The following ATF6 variants were observed in gnomAD, a reference collection of about 807,000 sequenced individuals.
The protein encoded by ATF6 is cyclic AMP-dependent transcription factor ATF-6 alpha.
ATF6 carries 53 observed loss-of-function variants against 83.6 expected under a neutral mutation model. The observed-to-expected ratio is 0.63, with a 90% CI of 0.51 to 0.80. The LOEUF (loss-of-function observed/expected upper bound fraction) is 0.80. Ranked by LOEUF, ATF6 falls within the 30% of genes least tolerant of loss-of-function variation. ATF6 has a pLI of 0.00. For missense variants in ATF6, 744 were observed against 797.9 expected (o/e 0.93, Z 0.81); for synonymous variants, 288 against 285.8 (o/e 1.01, Z -0.08).
At chr1:161,830,975 G>T (rs1298469057) in intron 9 of ATF6, among the ~76,000 whole-genome samples, 1 of 152,142 alleles carries the variant, frequency 6.6e-6, no homozygotes, top group African/African-American at 2.4e-5. Flanking sequence ...AAGAGCTTCT[G>T]CACAGCAAAA....
chr1:161,910,117 A>C (rs1687960829), intron 14 of ATF6, among the ~76,000 whole-genome samples: 1 of 152,240 alleles, frequency 6.6e-6, no homozygotes, highest in South Asian at 2.1e-4. Flanking sequence ...AGGTTCAAGA[A>C]ACATTTATTT....
At position 161,859,757 on chromosome 1, in the gene ATF6, G is replaced by A. The variant is rs191702721; in HGVS notation, c.1534-450G>A. Reference sequence around the variant, plus strand: ...TCATCAATAAGAACTCTTTAATGATGGCTTAGTTCATAGATGTATTTTGGC... The same window carrying A: ...TCATCAATAAGAACTCTTTAATGATAGCTTAGTTCATAGATGTATTTTGGC... On this transcript the variant is annotated intron_variant, in intron 12 of 15. Coordinates refer to ENST00000367942, the MANE Select transcript of ATF6 (RefSeq NM_007348.4). Among the ~76,000 whole-genome samples, 30 of 152,212 alleles carry A rather than the reference G, an allele frequency of 2.0e-4. No homozygotes were observed. The East Asian group carries it at 5.6e-3, about 28-fold the overall frequency.
At position 161,860,223 on chromosome 1, in the gene ATF6, G is replaced by A. The variant is rs956500094; in HGVS notation, c.1550G>A (p.Gly517Asp). ...ATATTCCAGGGTGCTCTGGAACAGG[G>A]CTCAAATTCTCAGCTGATGGCTGTT... Reference protein sequence around the residue: ...TRILQGALEQGSNSQLMAVQY... With the variant: ...TRILQGALEQDSNSQLMAVQY... The change falls in exon 13 of 16, where the codon GGC becomes GAC. Residue 517 changes from glycine (G) to aspartate (D), a missense_variant. Physicochemically the swap from Gly to Asp is moderately conservative, Grantham distance 94. Coordinates refer to ENST00000367942, the MANE Select transcript of ATF6 (RefSeq NM_007348.4). 4 of 1,590,584 alleles carry A rather than the reference G, an allele frequency of 2.5e-6. No homozygotes were observed. The highest frequency in any genetic ancestry group is 1.7e-4 in the Middle Eastern group (1 of 5,952).
chr1:161,874,554 A>T (rs1034593460), intron 14 of ATF6, among the ~76,000 whole-genome samples: 1 of 151,678 alleles, frequency 6.6e-6, no homozygotes, highest in Non-Finnish European at 1.5e-5. Context: ...ACATTTTACA[A>T]CTATTTCTTT....
At chr1:161,800,314 A>T (rs1253926817) in intron 6 of ATF6, among the ~76,000 whole-genome samples, 1 of 152,196 alleles carries the variant, frequency 6.6e-6, no homozygotes, top group African/African-American at 2.4e-5. Flanking sequence ...TGTATATCTC[A>T]TACACATAGC....
chr1:161,825,603 G>A (rs2089083), intron 9 of ATF6, among the ~76,000 whole-genome samples: 21,733 of 152,154 alleles, frequency 0.14, 2,120 homozygotes, highest in East Asian at 0.31. Context: ...TGTGGGGCAA[G>A]CTAAATGGGA....
In ATF6 at chr1:161,791,418, AT is replaced by A; in HGVS notation, c.368del (p.Leu123CysfsTer26). ...SSTQHVPEEL[D>X]LSSSSQMSPL... ...TTTATTATGCTACAGGAGGAGTTGG[AT>A]TTGTCTTCTAGTTCTCAGATGTCTC... On this transcript the variant is annotated frameshift_variant, in exon 5 of 16. Coordinates refer to ENST00000367942, the MANE Select transcript of ATF6 (RefSeq NM_007348.4). LOFTEE classifies it high-confidence loss of function. 1 of 1,607,940 alleles carries A rather than the reference AT, an allele frequency of 6.2e-7. No individual in the cohort carries two copies. The highest frequency in any genetic ancestry group is 8.5e-7 in the Non-Finnish European group (1 of 1,178,290).
At chr1:161,853,656 T>A (rs1392513203) in intron 12 of ATF6, among the ~76,000 whole-genome samples, 1 of 152,242 alleles carries the variant, frequency 6.6e-6, no homozygotes, top group Non-Finnish European at 1.5e-5. Flanking sequence ...ATAATACTGC[T>A]TATCTCCTCT....
intron 12 of ATF6, among the ~76,000 whole-genome samples, chr1:161,854,668 A>G (rs7550803): frequency 0.64 from 96,806 of 151,940 alleles, 33,521 homozygotes; most frequent in Middle Eastern, 0.77. Context: ...TCAGGAGATC[A>G]AGACCATCCT....
At chr1:161,770,698 A>G (rs550958615) in intron 1 of ATF6, among the ~76,000 whole-genome samples, 124 of 152,356 alleles carry the variant, frequency 8.1e-4, no homozygotes, top group African/African-American at 2.9e-3. Flanking sequence ...TTTAGGCCAT[A>G]AATTCACAGT....
At position 161,816,722 on chromosome 1, in the gene ATF6, CTG is replaced by C. The variant is rs374903961; in HGVS notation, c.910-2909_910-2908del. 2.8e-3 allele frequency among the ~76,000 whole-genome samples: 424 copies of C among 152,270 alleles called. 3 individuals carry two copies. The highest frequency in any genetic ancestry group is 9.5e-3 in the African/African-American group (396 of 41,550). ...GCATGTCAAAGGTCATTTTGATACA[CTG>C]TATGTGCAAAAGCAGTTTACCAAAC... is the stretch of plus-strand genomic sequence containing the variant. On this transcript the variant is annotated intron_variant, in intron 7 of 15. Coordinates refer to ENST00000367942, the MANE Select transcript of ATF6 (RefSeq NM_007348.4).
chr1:161,910,214 G>T (rs1687962517), intron 14 of ATF6, among the ~76,000 whole-genome samples: 2 of 152,062 alleles, frequency 1.3e-5, no homozygotes, highest in Non-Finnish European at 2.9e-5. Context: ...ATATTATATA[G>T]ACACTTATTT....
intron 7 of ATF6, among the ~76,000 whole-genome samples, chr1:161,816,089 A>G (rs907612948): frequency 9.2e-5 from 14 of 152,262 alleles, no homozygotes; most frequent in African/African-American, 3.1e-4. Context: ...AGTGTTTACT[A>G]AGTGAAATAC....
intron 14 of ATF6, among the ~76,000 whole-genome samples, chr1:161,895,463 A>G (rs1687653108): frequency 6.6e-6 from 1 of 152,224 alleles, no homozygotes; most frequent in South Asian, 2.1e-4. Context: ...TTTAAATCCA[A>G]TCTAATATTA....
At position 161,951,791 on chromosome 1, in the gene ATF6, G is replaced by A. The variant is rs149643264; in HGVS notation, c.1805-6655G>A. 9.3e-3 allele frequency among the ~76,000 whole-genome samples: 1,411 copies of A among 152,194 alleles called. 11 individuals are homozygous for A. The highest frequency in any genetic ancestry group is 0.027 in the Middle Eastern group (8 of 294). On this transcript the variant is annotated intron_variant, in intron 15 of 15. Transcript: ENST00000367942. ...CACAGAACTTGAGTAAGCTGCACAA[G>A]GGAAAAAAACTCATCTTCTGTAATT...
chr1:161,865,576 A>G (rs1192127464), intron 14 of ATF6, among the ~76,000 whole-genome samples: 1 of 152,216 alleles, frequency 6.6e-6, no homozygotes, highest in Admixed American at 6.5e-5. Flanking sequence ...GTTTGCTATA[A>G]AAGTGCTGTT....
Position 161,883,615 on chromosome 1 carries a change from T to C in ATF6, c.1719+20303T>C, listed in dbSNP as rs114300598. 3.9e-3 allele frequency among the ~76,000 whole-genome samples: 598 copies of C among 152,128 alleles called. 4 individuals carry two copies. The highest frequency in any genetic ancestry group is 0.014 in the African/African-American group (569 of 41,556). ...GCCACATGACTATGTCATGGGTTCA[T>C]TCACAAGATATAATAAACATTATTT... On this transcript the variant is annotated intron_variant, in intron 14 of 15. Transcript: ENST00000367942.
intron 7 of ATF6, among the ~76,000 whole-genome samples, chr1:161,818,501 AT>A (rs1685671517): frequency 6.6e-6 from 1 of 152,210 alleles, no homozygotes. Context: ...GAGAGTTAAC[AT>A]TCTTGAAACA....
chr1:161,883,466 C>A (rs2101860772), intron 14 of ATF6, among the ~76,000 whole-genome samples: 1 of 152,022 alleles, frequency 6.6e-6, no homozygotes, highest in East Asian at 1.9e-4. Flanking sequence ...AGGTTTTCAG[C>A]TGTTTTTAGG....
Sources: gnomAD v4.1 joint callset for allele counts (sites outside exome capture counted in the v4.1 genomes callset) on GRCh38, gnomAD v4.1.1 for gene constraint, MANE v1.5 for transcripts, NCBI Gene and HGNC (gene_info 2026-07-23, HGNC 2026-07-21) for gene names.